CCDC7: variants seen among roughly 807,000 people sequenced by gnomAD.
The protein encoded by CCDC7 is coiled-coil domain containing 7, also known as coiled-coil domain-containing protein 7.
Under a neutral mutation model 196.9 loss-of-function variants are expected in CCDC7, and 183 were observed. The ratio of observed to expected loss-of-function variants is 0.93; its 90% CI spans 0.82 to 1.05. The LOEUF (loss-of-function observed/expected upper bound fraction) is 1.05. Among genes scored for constraint, CCDC7 ranks in the 50% least tolerant of loss-of-function variants. CCDC7 has a pLI of 0.00. For missense variants in CCDC7, 1,540 were observed against 1,482.2 expected (o/e 1.04, Z -0.64); for synonymous variants, 525 against 484.6 (o/e 1.08, Z -1.10).
At chr10:32,829,359 CAAT>C (rs772425439) in intron 32 of CCDC7, among the ~76,000 whole-genome samples, 59 of 152,340 alleles carry the variant, frequency 3.9e-4, no homozygotes, top group Non-Finnish European at 6.2e-4. Flanking sequence ...CCAGCTACAA[CAAT>C]GTGACCAGCT....
intron 18 of CCDC7, among the ~76,000 whole-genome samples, chr10:32,614,625 T>C (rs1202422524): frequency 3.3e-5 from 5 of 152,146 alleles, no homozygotes; most frequent in Admixed American, 2.0e-4. Flanking sequence ...TACTGAACAT[T>C]GTACCAAATA....
intron 28 of CCDC7, among the ~76,000 whole-genome samples, chr10:32,756,339 G>T (rs745908665): frequency 1.3e-5 from 2 of 152,220 alleles, no homozygotes; most frequent in Non-Finnish European, 2.9e-5. Context: ...AGGACAAAAA[G>T]TTAAGGGCAG....
At chr10:32,541,130 C>T (rs944482949) in intron 11 of CCDC7, among the ~76,000 whole-genome samples, 9 of 151,526 alleles carry the variant, frequency 5.9e-5, no homozygotes, top group Non-Finnish European at 1.3e-4. Flanking sequence ...TAGAGTTGCT[C>T]GCCCTGCCTT....
upstream of CCDC7, among the ~76,000 whole-genome samples, chr10:32,449,654 G>A (rs2032473418): frequency 6.6e-6 from 1 of 152,160 alleles, no homozygotes; most frequent in Admixed American, 6.5e-5. Context: ...AAGTATGTGG[G>A]TGTATTTGTT....
chr10:32,567,776 C>T (rs758521385), exon 15 of CCDC7: 5 of 1,612,322 alleles, frequency 3.1e-6, no homozygotes, highest in Non-Finnish European at 4.2e-6. Flanking sequence ...AATAGTCAAA[C>T]AAAAGTTAAA....
chr10:32,676,540 C>G (rs1591477632), intron 21 of CCDC7, among the ~76,000 whole-genome samples: 1 of 151,944 alleles, frequency 6.6e-6, no homozygotes, highest in Non-Finnish European at 1.5e-5. Flanking sequence ...ACAAACAACC[C>G]CATCAAAATG....
intron 20 of CCDC7, among the ~76,000 whole-genome samples, chr10:32,637,148 G>A (rs2065806226): frequency 6.6e-6 from 1 of 152,168 alleles, no homozygotes; most frequent in African/African-American, 2.4e-5. Flanking sequence ...CAGATGAGTA[G>A]ATTGCAAAAG....
chr10:32,744,941 T>G (rs759226660), intron 28 of CCDC7, among the ~76,000 whole-genome samples: 1 of 152,234 alleles, frequency 6.6e-6, no homozygotes, highest in Non-Finnish European at 1.5e-5. Flanking sequence ...AGAAGTTGTA[T>G]AGTTTTCCAT....
chr10:32,695,827 CTCAGCTTGGGTAG>C (rs1429419107), intron 24 of CCDC7, among the ~76,000 whole-genome samples: 2 of 152,160 alleles, frequency 1.3e-5, no homozygotes, highest in Non-Finnish European at 2.9e-5. Flanking sequence ...AGCTATTTCC[CTCAGCTTGGGTAG>C]TAGCCTCTGT....
chr10:32,604,904 A>G (rs1158935760), intron 18 of CCDC7, among the ~76,000 whole-genome samples: 1 of 151,956 alleles, frequency 6.6e-6, no homozygotes, highest in East Asian at 1.9e-4. Flanking sequence ...TCCTGTTTGG[A>G]TGCCTTTTAT....
chr10:32,452,691 C>T (rs1288506112), intron 1 of CCDC7, among the ~76,000 whole-genome samples: 2 of 152,106 alleles, frequency 1.3e-5, no homozygotes, highest in Non-Finnish European at 2.9e-5. Context: ...CTCTTGACCT[C>T]AGGTGATCCA....
intron 28 of CCDC7, among the ~76,000 whole-genome samples, chr10:32,769,284 T>C (rs1460936033): frequency 1.3e-5 from 2 of 150,678 alleles, no homozygotes; most frequent in African/African-American, 5.0e-5. Context: ...TTTTTCTCTT[T>C]GTGAGCATAT....
At chr10:32,445,481 T>C (rs10827058), upstream of CCDC7, among the ~76,000 whole-genome samples, 21,031 of 152,208 alleles carry the variant, frequency 0.14, 1,769 homozygotes, top group East Asian at 0.26. Context: ...ATTCCTTTCA[T>C]TTACACACAG....
intron 33 of CCDC7, among the ~76,000 whole-genome samples, chr10:32,841,544 C>A (rs1173532674): frequency 1.3e-5 from 2 of 151,744 alleles, no homozygotes; most frequent in African/African-American, 2.4e-5. Context: ...TTGCCAAAAG[C>A]AATCTACAAA....
At chr10:32,674,223 A>T (rs943436111) in intron 21 of CCDC7, among the ~76,000 whole-genome samples, 15 of 151,778 alleles carry the variant, frequency 9.9e-5, no homozygotes, top group East Asian at 5.8e-4. Flanking sequence ...AGTGATTATC[A>T]ACTTTCCTTA....
rs1273124698 is a variant in CCDC7, at chr10:32,682,417, G to A, written c.2123-3553G>A. 3.9e-5 allele frequency among the ~76,000 whole-genome samples: 6 copies of A among 152,266 alleles called. No individual in the cohort carries two copies. The East Asian group carries it at 7.7e-4, about 20-fold the overall frequency. On this transcript the variant is annotated intron_variant, in intron 21 of 41. Transcript: ENST00000639629. ...CCACTGTTGATGAGCAGGCATCTAG[G>A]TTGATTCTGTCTTTGCTACTGTGAA...
chr10:32,453,564 AT>A (rs2033632690), intron 2 of CCDC7, 128 bp downstream of exon 3: 1 of 627,696 alleles, frequency 1.6e-6, no homozygotes. Context: ...TTTCCCATCC[AT>A]GAAAATGATC....
At chr10:32,505,368 G>A (rs1392790766) in intron 9 of CCDC7, among the ~76,000 whole-genome samples, 1 of 151,850 alleles carries the variant, frequency 6.6e-6, no homozygotes, top group Non-Finnish European at 1.5e-5. Flanking sequence ...TGAGATTAGG[G>A]AGTGGTGATG....
intron 23 of CCDC7, among the ~76,000 whole-genome samples, chr10:32,694,215 A>G (rs1029635340): frequency 1.1e-4 from 16 of 152,118 alleles, no homozygotes; most frequent in African/African-American, 3.9e-4. Flanking sequence ...ATTAACCACA[A>G]ATTGGGTAAA....
Sources: allele counts gnomAD v4.1 joint callset (sites outside exome capture counted in the v4.1 genomes callset), GRCh38; gene constraint gnomAD v4.1.1; transcripts MANE v1.5; gene names NCBI Gene and HGNC (gene_info 2026-07-23, HGNC 2026-07-21).